XPOT: variants seen among roughly 807,000 people sequenced by gnomAD.
XPOT encodes the protein exportin for tRNA, also known as exportin-T.
Under a neutral mutation model 128.2 loss-of-function variants are expected in XPOT, and 34 were observed. The ratio of observed to expected loss-of-function variants is 0.27; its 90% CI spans 0.20 to 0.35. The LOEUF is 0.35. Among genes scored for constraint, XPOT ranks in the 10% least tolerant of loss-of-function variants. XPOT has a pLI of 1.00. For synonymous variants in XPOT, 348 were observed against 394.3 expected, an observed-to-expected ratio of 0.88 and a Z score of 1.39; for missense variants, 838 against 1,125.3, an observed-to-expected ratio of 0.74 and a Z score of 3.65.
chr12:64,409,758 G>A, intron 1 of XPOT: 1 of 354,888 alleles, frequency 2.8e-6, no homozygotes, highest in Non-Finnish European at 5.1e-6. Flanking sequence ...AGATTTTTAG[G>A]AATTACACAT....
At position 64,409,950 on chromosome 12, in the gene XPOT, T is replaced by C; in HGVS notation, c.-74-12T>C. The C allele has an allele frequency of 9.1e-7, 1 of 1,099,640 alleles. No homozygotes were observed. Among genetic ancestry groups the C allele is most frequent in the South Asian group, 1.3e-5 (1 of 75,680 alleles). 68.1% of individuals were successfully genotyped at this position (1,099,640 alleles called of 1,614,324 possible). A position where few individuals can be genotyped will look rare whatever the true frequency, so the allele number is the denominator to read the frequency against. ...AAGTAATGTTTTCTTTCAACTTTGT[T>C]TTTTGTGGCAGATGTTTATAAATTC... On this transcript the variant is annotated splice_polypyrimidine_tract_variant and intron_variant, in intron 1 of 24. Transcript: ENST00000332707.
chr12:64,416,585 CA>C (rs1177664631), intron 3 of XPOT, 112 bp from the exon 4 acceptor site: 1 of 777,148 alleles, frequency 1.3e-6, no homozygotes, highest in Non-Finnish European at 2.1e-6. Context: ...TGAAACAAGC[CA>C]AAGGTCTAGT....
Position 64,425,117 on chromosome 12 carries a change from T to C in XPOT, c.1387T>C (p.Ser463Pro). The C allele has an allele frequency of 1.2e-6, 2 of 1,614,022 alleles. No homozygotes were observed. The highest frequency in any genetic ancestry group is 8.5e-7 in the Non-Finnish European group (1 of 1,179,992). Reference sequence around the variant, plus strand: ...TATGTTGGCAGAAGCTCTTCCAGTATCTCATGGTGCTCACTTCTCAGGTGA... The same window carrying C: ...TATGTTGGCAGAAGCTCTTCCAGTACCTCATGGTGCTCACTTCTCAGGTGA... ...LYMLAEALPVSHGAHFSGDVS... is the reference protein window; with the variant it reads ...LYMLAEALPVPHGAHFSGDVS... Residue 463 changes from serine (S) to proline (P), a missense_variant, in exon 13 of 25, where the codon TCT (serine) becomes CCT (proline). Coordinates refer to ENST00000332707, the MANE Select transcript of XPOT (RefSeq NM_007235.6).
intron 21 of XPOT, among the ~76,000 whole-genome samples, chr12:64,435,158 C>T (rs1447768771): frequency 6.6e-6 from 1 of 152,130 alleles, no homozygotes; most frequent in East Asian, 1.9e-4. Context: ...TTTCTAGGAC[C>T]ATGAAAGGGC....
chr12:64,414,821 T>G, intron 2 of XPOT, 86 bp from the exon 3 acceptor site: 3 of 817,748 alleles, frequency 3.7e-6, no homozygotes, highest in South Asian at 1.4e-5. Context: ...GTTATAGGTT[T>G]GCAACTCTCA....
At chr12:64,425,756 A>G in intron 14 of XPOT, 59 bp from the exon 15 acceptor site, 1 of 1,524,750 alleles carries the variant, frequency 6.6e-7, no homozygotes, top group Non-Finnish European at 9.1e-7. Flanking sequence ...ATGTAGCAGG[A>G]CAATATCAAC....
At chr12:64,431,316 A>G (rs1226419072) in intron 17 of XPOT, among the ~76,000 whole-genome samples, 1 of 152,224 alleles carries the variant, frequency 6.6e-6, no homozygotes, top group Non-Finnish European at 1.5e-5. Flanking sequence ...CATGTCATTC[A>G]TTTAAGTTAA....
chr12:64,408,481 T>G (rs1014503027), intron 1 of XPOT, among the ~76,000 whole-genome samples: 22 of 152,240 alleles, frequency 1.4e-4, no homozygotes, highest in African/African-American at 5.3e-4. Context: ...AATATCATTT[T>G]TCACATCATT....
At chr12:64,440,575 A>G (rs1481923945) in intron 23 of XPOT, among the ~76,000 whole-genome samples, 1 of 152,164 alleles carries the variant, frequency 6.6e-6, no homozygotes, top group Non-Finnish European at 1.5e-5. Flanking sequence ...TTGCATTTCC[A>G]TCAGTTGTGT....
At chr12:64,419,197 TTTC>T (rs1428189803) in intron 6 of XPOT, 103 bp downstream of exon 6, 2 of 853,652 alleles carry the variant, frequency 2.3e-6, no homozygotes, top group Non-Finnish European at 3.5e-6. Flanking sequence ...TGAGGTAAAC[TTTC>T]TTAAGTTATA....
intron 22 of XPOT, among the ~76,000 whole-genome samples, chr12:64,436,979 T>C (rs1237535466): frequency 6.6e-6 from 1 of 152,182 alleles, no homozygotes; most frequent in African/African-American, 2.4e-5. Context: ...AGCCATAGAA[T>C]GCCAGCACAG....
intron 15 of XPOT, among the ~76,000 whole-genome samples, chr12:64,426,298 C>CAAAAAAAAAAA (rs144538945): frequency 8.1e-6 from 1 of 123,716 alleles, no homozygotes. Flanking sequence ...GACTCAGTCT[C>CAAAAAAAAAAA]AAAAAAAAAA....
intron 24 of XPOT, among the ~76,000 whole-genome samples, chr12:64,446,823 CT>C (rs1183197050): frequency 6.6e-6 from 1 of 152,118 alleles, no homozygotes; most frequent in Non-Finnish European, 1.5e-5. Context: ...AGTGATCATT[CT>C]TTCCCCTGCA....
intron 8 of XPOT, 62 bp from the exon 9 acceptor site, chr12:64,421,173 C>T (rs904641775): frequency 1.8e-5 from 21 of 1,189,478 alleles, no homozygotes; most frequent in Non-Finnish European, 2.5e-5. Context: ...TATTAAAGTT[C>T]AGTTTTTCCT....
intron 22 of XPOT, among the ~76,000 whole-genome samples, 188 bp downstream of exon 22, chr12:64,435,862 G>C (rs912962603): frequency 6.6e-6 from 1 of 152,172 alleles, no homozygotes; most frequent in South Asian, 2.1e-4. Flanking sequence ...GTTTTGGTTT[G>C]ACTAAGGATG....
intron 23 of XPOT, among the ~76,000 whole-genome samples, chr12:64,442,191 G>C (rs1444862848): frequency 1.3e-5 from 2 of 152,032 alleles, no homozygotes; most frequent in African/African-American, 4.8e-5. Context: ...CACAATCTCT[G>C]CTCACTGTAA....
chr12:64,443,748 C>G, intron 23 of XPOT, among the ~76,000 whole-genome samples: 1 of 152,086 alleles, frequency 6.6e-6, no homozygotes, highest in Non-Finnish European at 1.5e-5. Context: ...AGCCACTGTG[C>G]CCAGCCTCAA....
rs1386070174 is a variant in XPOT, at chr12:64,421,446, A to C, written c.1055A>C (p.Tyr352Ser). 9.3e-6 allele frequency: 15 copies of C among 1,612,500 alleles called. No homozygotes were observed. Among genetic ancestry groups the C allele is most frequent in the Non-Finnish European group, 1.2e-5 (14 of 1,178,590 alleles). Residue 352 changes from tyrosine to serine, a missense_variant, in exon 9 of 25, where the codon TAC (tyrosine) becomes TCC (serine). By Grantham distance (144) the Tyr-to-Ser change is moderately radical. This residue lies in a region of XPOT where 761 missense variants were observed against 988.3 expected (regional missense o/e 0.77). Transcript: ENST00000332707. ...DISSNIIGFC[Y>S]DYLHILKQLT... Reference sequence around the variant, plus strand: ...TCTTCTAATATTATTGGATTTTGTTACGATTATCTTCATATTTTGAAACAG... The same window carrying C: ...TCTTCTAATATTATTGGATTTTGTTCCGATTATCTTCATATTTTGAAACAG...
intron 9 of XPOT, among the ~76,000 whole-genome samples, chr12:64,422,366 G>T (rs1592330499): frequency 6.6e-6 from 1 of 152,252 alleles, no homozygotes; most frequent in East Asian, 1.9e-4. Context: ...GAAATTTTAT[G>T]CAGTGTGGAA....
Sources: allele counts gnomAD v4.1 joint callset (sites outside exome capture counted in the v4.1 genomes callset), GRCh38; gene constraint gnomAD v4.1.1; regional missense constraint gnomAD v4.1.1; transcripts MANE v1.5; gene names NCBI Gene and HGNC (gene_info 2026-07-23, HGNC 2026-07-21).